The following DNM3 variants were observed in gnomAD, a reference collection of about 807,000 sequenced individuals.
DNM3 encodes the protein dynamin-3.
In DNM3, 47 loss-of-function variants were observed where a neutral mutation model predicts 101.6. The observed-to-expected ratio is 0.46, with a 90% confidence interval of 0.37 to 0.59. DNM3 has a LOEUF of 0.59. Among genes scored for constraint, DNM3 ranks in the 20% least tolerant of loss-of-function variants. DNM3 has a pLI of 0.00. For synonymous variants in DNM3, 385 were observed against 387.9 expected, an observed-to-expected ratio of 0.99 and a Z score of 0.09; for missense variants, 849 against 1,085.7, an observed-to-expected ratio of 0.78 and a Z score of 3.06.
intron 15 of DNM3, among the ~76,000 whole-genome samples, chr1:172,275,902 T>C (rs892010084): frequency 2.0e-5 from 3 of 152,196 alleles, no homozygotes; most frequent in African/African-American, 7.2e-5. Flanking sequence ...CTTATGGAAC[T>C]GAAGGACTCG....
chr1:172,139,603 T>C (rs1029442516), intron 14 of DNM3: 1 of 152,390 alleles, frequency 6.6e-6, no homozygotes, highest in Non-Finnish European at 1.5e-5. Context: ...TGAGCTTAAG[T>C]TATCCACCTC....
chr1:172,369,665 TG>T (rs1321299875), intron 17 of DNM3, among the ~76,000 whole-genome samples: 1 of 151,932 alleles, frequency 6.6e-6, no homozygotes, highest in Non-Finnish European at 1.5e-5. Flanking sequence ...AGTTGTGATG[TG>T]CTGTAAGTGT....
At chr1:172,087,475 T>C (rs1470743694) in intron 12 of DNM3, among the ~76,000 whole-genome samples, 1 of 152,162 alleles carries the variant, frequency 6.6e-6, no homozygotes, top group Admixed American at 6.6e-5. Flanking sequence ...TCTCTACTTA[T>C]ATATCCTAGA....
intron 17 of DNM3, among the ~76,000 whole-genome samples, chr1:172,331,597 AG>A (rs1280608759): frequency 6.6e-6 from 1 of 152,188 alleles, no homozygotes; most frequent in Non-Finnish European, 1.5e-5. Context: ...AGACACCTCC[AG>A]TGAAACAAGA....
intron 11 of DNM3, among the ~76,000 whole-genome samples, chr1:172,080,900 C>T (rs1375080166): frequency 1.3e-5 from 2 of 152,150 alleles, no homozygotes; most frequent in Non-Finnish European, 2.9e-5. Flanking sequence ...ACCCCATAAG[C>T]TTCCTGGGTG....
At chr1:172,172,432 AGGGATGATTCATATCCCAGGT>A (rs1321079746) in intron 14 of DNM3, among the ~76,000 whole-genome samples, 1 of 151,672 alleles carries the variant, frequency 6.6e-6, no homozygotes, top group Non-Finnish European at 1.5e-5. Context: ...CGTCGGACAG[AGGGATGATTCATATCCCAGGT>A]GGGATGATGG....
At chr1:172,165,340 T>C (rs2058707925) in intron 14 of DNM3, among the ~76,000 whole-genome samples, 2 of 152,084 alleles carry the variant, frequency 1.3e-5, no homozygotes, top group Admixed American at 1.3e-4. Context: ...AGAGTAAAGA[T>C]ATTTTACTTT....
chr1:172,044,624 G>A (rs1434194377), intron 9 of DNM3, among the ~76,000 whole-genome samples, 172 bp downstream of exon 9: 2 of 152,174 alleles, frequency 1.3e-5, no homozygotes, highest in African/African-American at 2.4e-5. Flanking sequence ...CTGTATTGCT[G>A]TAGTCAGTTT....
At chr1:172,011,482 T>C (rs2047121911) in intron 4 of DNM3, among the ~76,000 whole-genome samples, 1 of 151,996 alleles carries the variant, frequency 6.6e-6, no homozygotes. Flanking sequence ...AATGTTTAAT[T>C]GATGGTTATC....
chr1:172,323,367 TTC>T, intron 17 of DNM3, 27 bp downstream of exon 17: 1 of 1,604,698 alleles, frequency 6.2e-7, no homozygotes, highest in Non-Finnish European at 8.5e-7. Flanking sequence ...CTTGCAGCTC[TTC>T]TGTCCCCCCA....
chr1:171,985,780 T>C (rs2045207933), intron 2 of DNM3, among the ~76,000 whole-genome samples: 1 of 152,230 alleles, frequency 6.6e-6, no homozygotes, highest in African/African-American at 2.4e-5. Flanking sequence ...CTTTGGGAGC[T>C]TGTGACCTTT....
chr1:172,134,933 A>G lies in DNM3; in HGVS notation c.1659+3645A>G, dbSNP rs1478889405. ...TAAAGATGAGGATTTTGATATTAAG[A>G]ATGATGAGAAGTTTTTTAAGCTGGA... On this transcript the variant is annotated intron_variant, in intron 14 of 20. Transcript: ENST00000627582. Among the ~76,000 whole-genome samples the G allele has an allele frequency of 2.6e-5, 4 of 152,256 alleles. No individual in the cohort carries two copies. The South Asian group carries it at 8.3e-4, about 32-fold the overall frequency.
chr1:172,190,077 T>A (rs1312001880), intron 14 of DNM3, among the ~76,000 whole-genome samples: 1 of 151,502 alleles, frequency 6.6e-6, no homozygotes, highest in Non-Finnish European at 1.5e-5. Flanking sequence ...TTGTTACATA[T>A]GTATACATGT....
chr1:172,116,074 T>C (rs942317382), intron 13 of DNM3, among the ~76,000 whole-genome samples: 3 of 152,212 alleles, frequency 2.0e-5, no homozygotes, highest in Non-Finnish European at 4.4e-5. Context: ...ACTCAGCTTA[T>C]CTTTGGCTCT....
intron 2 of DNM3, among the ~76,000 whole-genome samples, chr1:171,928,801 TGGGA>T (rs1279082541): frequency 2.0e-5 from 3 of 152,054 alleles, no homozygotes. Flanking sequence ...TGAGGAGATA[TGGGA>T]ATGGGCACCC....
chr1:172,337,733 C>A (rs572659703), intron 17 of DNM3, among the ~76,000 whole-genome samples: 2 of 152,188 alleles, frequency 1.3e-5, no homozygotes, highest in East Asian at 3.9e-4. Flanking sequence ...AGTGGGCCAT[C>A]TGCCTTGCAT....
intron 14 of DNM3, among the ~76,000 whole-genome samples, chr1:172,191,197 G>A (rs1414633583): frequency 2.0e-5 from 3 of 152,122 alleles, no homozygotes; most frequent in African/African-American, 2.4e-5. Flanking sequence ...TTTTGTATAA[G>A]GTGTAAGGAA....
At chr1:172,317,570 C>T (rs916683171) in intron 16 of DNM3, among the ~76,000 whole-genome samples, 10 of 152,200 alleles carry the variant, frequency 6.6e-5, no homozygotes, top group Non-Finnish European at 1.3e-4. Flanking sequence ...ACCACTGATC[C>T]CACAGAAATA....
chr1:172,266,422 G>A (rs529316927), intron 15 of DNM3, among the ~76,000 whole-genome samples: 1 of 152,148 alleles, frequency 6.6e-6, no homozygotes, highest in South Asian at 2.1e-4. Context: ...ATTTCAGTAA[G>A]GTAAAAAGCA....
Sources: allele counts gnomAD v4.1 joint callset (sites outside exome capture counted in the v4.1 genomes callset), GRCh38; gene constraint gnomAD v4.1.1; transcripts MANE v1.5; gene names NCBI Gene and HGNC (gene_info 2026-07-23, HGNC 2026-07-21).